The following ADK variants were observed in gnomAD, a reference collection of about 807,000 sequenced individuals.
ADK encodes N6,N6-dimethyladenosine kinase.
ADK carries 24 observed loss-of-function variants against 44.7 expected under a neutral mutation model. The ratio of observed to expected loss-of-function variants is 0.54; its 90% CI spans 0.39 to 0.76. The LOEUF is 0.76. ADK is among the 30% of genes least tolerant of loss of function. The pLI, the probability that ADK is intolerant of heterozygous loss-of-function variation, is 0.00. For missense variants in ADK, 321 were observed against 425.1 expected (o/e 0.76, Z 2.15); for synonymous variants, 128 against 142.6 (o/e 0.90, Z 0.73).
chr10:74,308,296 G>A (rs1393771569), intron 3 of ADK, among the ~76,000 whole-genome samples: 2 of 152,148 alleles, frequency 1.3e-5, no homozygotes, highest in Non-Finnish European at 2.9e-5. Context: ...AATAAAATTG[G>A]AGGTTCAAGA....
At chr10:74,224,735 CCTACACTATATAAT>C (rs1199064786) in intron 3 of ADK, 144 bp downstream of exon 3, 8 of 706,366 alleles carry the variant, frequency 1.1e-5, no homozygotes, top group Admixed American at 2.1e-5. Context: ...ATTATGATAA[CCTACACTATATAAT>C]TTACACTACA....
In ADK at chr10:74,459,294, A is replaced by T. The variant is rs551694311; in HGVS notation, c.555+60715A>T. Among the ~76,000 whole-genome samples the T allele has an allele frequency of 1.1e-4, 16 of 152,018 alleles. No individual in the cohort carries two copies. The South Asian group carries it at 3.3e-3, about 32-fold the overall frequency. ...AGACCTCATCTCAAAAAAAAAAAAA[A>T]TTTATTTCCAATCAGTTGGAAAATG... is the stretch of plus-strand genomic sequence containing the variant. On this transcript the variant is annotated intron_variant, in intron 6 of 10. Transcript: ENST00000539909.
chr10:74,251,419 A>G (rs1845646935), intron 3 of ADK, among the ~76,000 whole-genome samples: 1 of 152,208 alleles, frequency 6.6e-6, no homozygotes, highest in Admixed American at 6.5e-5. Flanking sequence ...TGTTTTAGTT[A>G]TCACAAATTC....
At position 74,191,523 on chromosome 10, in the gene ADK, A is replaced by G. The variant is rs542288975; in HGVS notation, c.66-9241A>G. On this transcript the variant is annotated intron_variant, in intron 1 of 10. Coordinates refer to ENST00000539909, the MANE Select transcript of ADK (RefSeq NM_006721.4). Reference sequence around the variant, plus strand: ...TGCCTTGGCCTCCCAAAGTGCTGAGACTACAGGTGTGAGCCACCACACCTG... The same window carrying G: ...TGCCTTGGCCTCCCAAAGTGCTGAGGCTACAGGTGTGAGCCACCACACCTG... Among the ~76,000 whole-genome samples the G allele has an allele frequency of 1.9e-4, 29 of 152,294 alleles. 1 individual carries two copies. The South Asian group carries it at 6.0e-3, about 32-fold the overall frequency.
intron 4 of ADK, among the ~76,000 whole-genome samples, chr10:74,381,028 C>G (rs576173026): frequency 2.6e-5 from 4 of 152,068 alleles, no homozygotes; most frequent in Non-Finnish European, 2.9e-5. Flanking sequence ...ACCATGACAA[C>G]AAATGCATGA....
chr10:74,472,241 A>G (rs940582358), intron 6 of ADK, among the ~76,000 whole-genome samples: 9 of 151,984 alleles, frequency 5.9e-5, no homozygotes, highest in African/African-American at 2.2e-4. Context: ...TGCTTTATTC[A>G]TTGTCTTTGA....
At chr10:74,476,124 A>T (rs996672504) in intron 6 of ADK, among the ~76,000 whole-genome samples, 1 of 152,156 alleles carries the variant, frequency 6.6e-6, no homozygotes. Flanking sequence ...TCCTTCTCTG[A>T]TAGTGAGAAA....
At chr10:74,573,424 C>T (rs1851046676) in intron 7 of ADK, among the ~76,000 whole-genome samples, 1 of 152,210 alleles carries the variant, frequency 6.6e-6, no homozygotes, top group Admixed American at 6.5e-5. Flanking sequence ...CTGGGGGATG[C>T]CTCCCAGTTA....
chr10:74,246,411 G>T (rs1374811575), intron 3 of ADK, among the ~76,000 whole-genome samples: 2 of 152,204 alleles, frequency 1.3e-5, no homozygotes. Context: ...TAGAGTGTGT[G>T]TTCTAATGAG....
At chr10:74,651,873 T>A (rs2134134485) in intron 9 of ADK, among the ~76,000 whole-genome samples, 1 of 152,220 alleles carries the variant, frequency 6.6e-6, no homozygotes, top group South Asian at 2.1e-4. Flanking sequence ...CTAAAAAAAA[T>A]GTGCTGAGGT....
rs11377208 is a variant in ADK, at chr10:74,245,594, G to GTTT, written c.194+21015_194+21017dup. On this transcript the variant is annotated intron_variant, in intron 3 of 10. Transcript: ENST00000539909. ...TCCTCATTCCATAGTTTTTGTTTTT[G>GTTT]TTTTTTTTTTTTTTGAGACAGAGTC... 2.2e-3 allele frequency among the ~76,000 whole-genome samples: 304 copies of GTTT among 141,252 alleles called. 3 individuals carry two copies. Among genetic ancestry groups the GTTT allele is most frequent in the African/African-American group, 7.5e-3 (286 of 38,252 alleles). 92.7% of individuals were successfully genotyped at this position (141,252 alleles called of 152,430 possible).
intron 3 of ADK, among the ~76,000 whole-genome samples, chr10:74,281,547 A>G (rs577932329): frequency 2.5e-4 from 38 of 152,348 alleles, no homozygotes; most frequent in African/African-American, 9.1e-4. Flanking sequence ...CAAGGAAAGA[A>G]CTTAGGTCCA....
intron 6 of ADK, among the ~76,000 whole-genome samples, chr10:74,488,284 T>G (rs1482919903): frequency 6.6e-6 from 1 of 151,730 alleles, no homozygotes; most frequent in Non-Finnish European, 1.5e-5. Context: ...CATTTTGTGC[T>G]TATATAGGAA....
At chr10:74,347,631 C>G (rs572875894) in intron 4 of ADK, among the ~76,000 whole-genome samples, 1 of 152,182 alleles carries the variant, frequency 6.6e-6, no homozygotes, top group Admixed American at 6.5e-5. Context: ...CTTAGAGGGT[C>G]CCACTCCCAC....
chr10:74,356,165 C>G (rs1842142104), intron 4 of ADK, among the ~76,000 whole-genome samples: 1 of 149,992 alleles, frequency 6.7e-6, no homozygotes, highest in African/African-American at 2.5e-5. Flanking sequence ...ACTACAGGCG[C>G]CCGCCACCGC....
intron 5 of ADK, among the ~76,000 whole-genome samples, chr10:74,395,947 G>A (rs1843491195): frequency 6.6e-6 from 1 of 152,182 alleles, no homozygotes. Context: ...GGAGGTGGAG[G>A]TTGCAGTGAG....
chr10:74,355,648 A>C (rs1394862375), intron 4 of ADK, among the ~76,000 whole-genome samples: 1 of 152,176 alleles, frequency 6.6e-6, no homozygotes, highest in Non-Finnish European at 1.5e-5. Context: ...AAAAATTTTA[A>C]AAGTGTCTAA....
intron 1 of ADK, among the ~76,000 whole-genome samples, chr10:74,184,544 TCAG>T (rs1842679772): frequency 8.3e-6 from 1 of 120,074 alleles, no homozygotes; most frequent in African/African-American, 3.2e-5. Flanking sequence ...TGTGTGTGTG[TCAG>T]GGGGGTGGGT....
chr10:74,275,406 G>A (rs923993961), intron 3 of ADK, among the ~76,000 whole-genome samples: 2 of 152,078 alleles, frequency 1.3e-5, no homozygotes, highest in Non-Finnish European at 2.9e-5. Context: ...GGTGTGGTTT[G>A]AGAGACCAAA....
Sources: gnomAD v4.1 joint callset for allele counts (sites outside exome capture counted in the v4.1 genomes callset) on GRCh38, gnomAD v4.1.1 for gene constraint, MANE v1.5 for transcripts, NCBI Gene and HGNC (gene_info 2026-07-23, HGNC 2026-07-21) for gene names.